Variants in C12orf42 observed in about 807,000 individuals in gnomAD.
The protein encoded by C12orf42 is chromosome 12 open reading frame 42.
C12orf42 carries 25 observed loss-of-function variants against 21.6 expected under a neutral mutation model. The observed-to-expected ratio is 1.16, with a 90% CI of 0.84 to 1.62. The LOEUF is 1.62. Among genes scored for constraint, C12orf42 ranks in the 40% most tolerant of loss-of-function variants. C12orf42 has a pLI of 0.00. For missense variants in C12orf42, 483 were observed against 459.3 expected (o/e 1.05, Z -0.47); for synonymous variants, 174 against 175.0 (o/e 0.99, Z 0.05).
At chr12:103,397,969 C>T (rs2047674682) in intron 3 of C12orf42, among the ~76,000 whole-genome samples, 1 of 152,022 alleles carries the variant, frequency 6.6e-6, no homozygotes, top group African/African-American at 2.4e-5. Context: ...TGATGGACAC[C>T]CCAAACACAC....
intron 4 of C12orf42, among the ~76,000 whole-genome samples, chr12:103,287,181 T>C (rs1287303468): frequency 6.6e-6 from 1 of 152,254 alleles, no homozygotes; most frequent in Non-Finnish European, 1.5e-5. Flanking sequence ...AAGTACCATT[T>C]GACCCAGCCA....
intron 2 of C12orf42, among the ~76,000 whole-genome samples, chr12:103,470,446 C>G (rs1953504520): frequency 6.6e-6 from 1 of 152,172 alleles, no homozygotes; most frequent in South Asian, 2.1e-4. Flanking sequence ...GTGATTCATT[C>G]ATGGTGAGAA....
chr12:103,427,944 G>A (rs184928745), intron 2 of C12orf42, among the ~76,000 whole-genome samples: 76 of 152,194 alleles, frequency 5.0e-4, no homozygotes, highest in African/African-American at 1.6e-3. Flanking sequence ...AAGACATAAC[G>A]TACCAGAATC....
At chr12:103,491,833 C>A (rs1565907551) in intron 1 of C12orf42, among the ~76,000 whole-genome samples, 1 of 152,194 alleles carries the variant, frequency 6.6e-6, no homozygotes, top group African/African-American at 2.4e-5. Context: ...ATCAATAAAG[C>A]TGATAAGCTG....
At chr12:103,282,447 G>A (rs554998845) in intron 4 of C12orf42, among the ~76,000 whole-genome samples, 33 of 152,218 alleles carry the variant, frequency 2.2e-4, no homozygotes, top group East Asian at 5.8e-4. Flanking sequence ...AATACTTACC[G>A]TTGTGTTGTA....
intron 6 of C12orf42, among the ~76,000 whole-genome samples, chr12:103,269,652 G>A (rs1400029564): frequency 6.6e-6 from 1 of 152,110 alleles, no homozygotes; most frequent in Non-Finnish European, 1.5e-5. Context: ...CCCCTAAAAT[G>A]TACCTGGCAC....
At chr12:103,445,312 G>A (rs943199869) in intron 2 of C12orf42, among the ~76,000 whole-genome samples, 18 of 152,044 alleles carry the variant, frequency 1.2e-4, no homozygotes, top group Admixed American at 4.6e-4. Flanking sequence ...GTTGTGGTGT[G>A]AGAGCAGAGG....
intron 2 of C12orf42, among the ~76,000 whole-genome samples, chr12:103,422,334 A>T (rs2049982764): frequency 1.3e-5 from 2 of 152,232 alleles, no homozygotes; most frequent in Admixed American, 1.3e-4. Context: ...CCACACTTTA[A>T]TATAACAGCC....
At chr12:103,480,592 C>T (rs968957936) in intron 1 of C12orf42, among the ~76,000 whole-genome samples, 1 of 151,232 alleles carries the variant, frequency 6.6e-6, no homozygotes, top group African/African-American at 2.4e-5. Flanking sequence ...TACTACTTTC[C>T]CTGCCTCCAA....
At chr12:103,507,007 A>T in the C12orf42 span, among the ~76,000 whole-genome samples, 1 of 3,886 alleles carries the variant, frequency 2.6e-4, no homozygotes, top group Non-Finnish European at 3.7e-4. Context: ...TATATATATT[A>T]TATATAAATA....
the C12orf42 span, among the ~76,000 whole-genome samples, chr12:103,521,155 A>G: frequency 6.6e-6 from 1 of 152,224 alleles, no homozygotes; most frequent in Non-Finnish European, 1.5e-5. Context: ...TTCAGGGACC[A>G]TTAGTCTGAG....
the C12orf42 span, among the ~76,000 whole-genome samples, chr12:103,112,843 T>C: frequency 2.0e-5 from 3 of 152,140 alleles, no homozygotes; most frequent in East Asian, 1.9e-4. Context: ...TCTTCTATTA[T>C]CCCATAGCAT....
chr12:103,095,751 T>TAGTA, the C12orf42 span, among the ~76,000 whole-genome samples: 16 of 152,202 alleles, frequency 1.1e-4, no homozygotes, highest in Non-Finnish European at 2.4e-4. Flanking sequence ...TCCTGACACA[T>TAGTA]AGTAGGTGCT....
intron 3 of C12orf42, among the ~76,000 whole-genome samples, chr12:103,385,628 G>C (rs2046547911): frequency 6.6e-6 from 1 of 152,000 alleles, no homozygotes; most frequent in Admixed American, 6.6e-5. Flanking sequence ...TTCTTTATTG[G>C]AGAATCTCAC....
chr12:103,318,883 C>T (rs2039803410), intron 4 of C12orf42, among the ~76,000 whole-genome samples: 2 of 152,200 alleles, frequency 1.3e-5, no homozygotes, highest in Admixed American at 1.3e-4. Context: ...CGTGCTAAAA[C>T]TCTGGTGAAG....
At chr12:103,317,847 G>A (rs1212658744) in intron 4 of C12orf42, among the ~76,000 whole-genome samples, 2 of 151,942 alleles carry the variant, frequency 1.3e-5, no homozygotes, top group East Asian at 3.9e-4. Context: ...AATATCATAT[G>A]TACAAAAGGG....
the C12orf42 span, among the ~76,000 whole-genome samples, chr12:103,096,711 G>A: frequency 6.6e-6 from 1 of 152,094 alleles, no homozygotes; most frequent in South Asian, 2.1e-4. Flanking sequence ...AAAACATAAG[G>A]AAGCTGAGGA....
At position 103,294,631 on chromosome 12, in the gene C12orf42, AGAAAGAAG is replaced by A. The variant is rs1434914689; in HGVS notation, n.338-17429_338-17422del. ...AAGAAAGAAAGAAAGAAAGAAAGAA[AGAAAGAAG>A]GAAAAGAAAGAGAAAGAAAGAAAGA... On this transcript the variant is annotated intron_variant and non_coding_transcript_variant, in intron 4 of 6. Coordinates refer to the C12orf42 transcript ENST00000546526. 1.6e-3 allele frequency among the ~76,000 whole-genome samples: 235 copies of A among 149,420 alleles called. 1 individual carries two copies. The highest frequency in any genetic ancestry group is 4.7e-3 in the African/African-American group (192 of 40,732).
intron 4 of C12orf42, among the ~76,000 whole-genome samples, chr12:103,335,668 C>A (rs2041627909): frequency 6.6e-6 from 1 of 152,156 alleles, no homozygotes; most frequent in Admixed American, 6.6e-5. Flanking sequence ...TTCCCTAATG[C>A]AATTCTCAAA....
Sources: gnomAD v4.1 joint callset for allele counts (sites outside exome capture counted in the v4.1 genomes callset) on GRCh38, gnomAD v4.1.1 for gene constraint, MANE v1.5 for transcripts, NCBI Gene and HGNC (gene_info 2026-07-23, HGNC 2026-07-21) for gene names.